Variants in RIF1 observed in about 807,000 individuals in gnomAD.
RIF1 encodes the protein telomere-associated protein RIF1.
RIF1 carries 45 observed loss-of-function variants against 247.1 expected under a neutral mutation model. The ratio of observed to expected loss-of-function variants is 0.18; its 90% confidence interval spans 0.14 to 0.23. The LOEUF (loss-of-function observed/expected upper bound fraction) is 0.23, where lower values mean the gene tolerates loss of function less well. Ranked by LOEUF, RIF1 falls within the 10% of genes least tolerant of loss-of-function variation. The pLI is 1.00. For synonymous variants in RIF1, 1,087 were observed against 978.8 expected, an observed-to-expected ratio of 1.11 and a Z score of -2.06; for missense variants, 2,967 against 2,862.5, an observed-to-expected ratio of 1.04 and a Z score of -0.83.
Position 151,445,464 on chromosome 2 carries a change from T to C in RIF1, c.2094+19T>C, listed in dbSNP as rs761386148. On this transcript the variant is annotated intron_variant, in intron 19 of 35. Coordinates refer to ENST00000444746, the MANE Select transcript of RIF1 (RefSeq NM_018151.5). ...TCCAGTGGTAAGGCATTGTCAAGTA[T>C]TGATTTCCGAGGGATTTGTATTTTT... 28 of 1,164,556 alleles carry C rather than the reference T, an allele frequency of 2.4e-5. No homozygotes were observed. The highest frequency in any genetic ancestry group is 3.4e-5 in the Non-Finnish European group (26 of 769,750). The allele number at this position is 1,164,556 out of a possible 1,614,324, so 72.1% of individuals were successfully genotyped here. A position where few individuals can be genotyped will look rare whatever the true frequency, so the allele number is the denominator to read the frequency against.
In RIF1 at chr2:151,479,583, A is replaced by C. The variant is rs1353844068; in HGVS notation, c.*4512A>C. 6.6e-6 allele frequency: 1 copy of C among 152,188 alleles called. No homozygotes were observed. The highest frequency in any genetic ancestry group is 2.4e-5 in the African/African-American group (1 of 41,450). The allele number at this position is 152,188 out of a possible 1,614,324, so 9.4% of individuals were successfully genotyped here. A position where few individuals can be genotyped will look rare whatever the true frequency, so the allele number is the denominator to read the frequency against. On this transcript the variant is annotated 3_prime_UTR_variant, in exon 36 of 36. Coordinates refer to ENST00000444746, the MANE Select transcript of RIF1 (RefSeq NM_018151.5). ...GCTATAATGAATAAGTCAGTCTAGCAGATATGCCCTGTCATTATACTGCGG... is the reference window on the plus strand; with the variant it reads ...GCTATAATGAATAAGTCAGTCTAGCCGATATGCCCTGTCATTATACTGCGG...
At position 151,491,692 on chromosome 2, in the gene RIF1, T is replaced by G. The variant is rs147872436; in HGVS notation, c.*416-3537T>G. 3.0e-5 allele frequency: 48 copies of G among 1,590,714 alleles called. No homozygotes were observed. In the African/African-American group the frequency reaches 6.2e-4, roughly 20 times the overall value. ...TTTTCAGCTAACACACCATTAATCA[T>G]GTGTAAGCTTCGGGACTGGATGTTG... On this transcript the variant is annotated intron_variant and NMD_transcript_variant, in intron 9 of 13. Coordinates refer to the RIF1 transcript ENST00000454583.
intron 15 of RIF1, 79 bp downstream of exon 15, chr2:151,440,206 T>A (rs933120119): frequency 2.4e-6 from 2 of 819,916 alleles, no homozygotes; most frequent in Non-Finnish European, 4.0e-6. Context: ...TTTGCACAAA[T>A]CTAGTTTGGG....
chr2:151,442,035 T>G (rs750092969), intron 16 of RIF1, 44 bp downstream of exon 16: 5 of 546,824 alleles, frequency 9.1e-6, no homozygotes, highest in Non-Finnish European at 1.6e-5. Flanking sequence ...GCCAAAAACA[T>G]TTATACTTCC....
Position 151,411,355 on chromosome 2 carries a change from TAA to T in RIF1, c.183+19_183+20del. The T allele has an allele frequency of 2.0e-6, 3 of 1,468,286 alleles. No individual in the cohort carries two copies. Among genetic ancestry groups the T allele is most frequent in the Non-Finnish European group, 2.8e-6 (3 of 1,070,078 alleles). 91.0% of individuals were successfully genotyped at this position (1,468,286 alleles called of 1,614,324 possible). A position where few individuals can be genotyped will look rare whatever the true frequency, so the allele number is the denominator to read the frequency against. ...GTTTTAAAGGTATGTATCTGTTTGT[TAA>T]ACAGTTTTTCACTTTTGGTAGTTTG... On this transcript the variant is annotated intron_variant, in intron 3 of 35. Coordinates refer to ENST00000444746, the MANE Select transcript of RIF1 (RefSeq NM_018151.5).
chr2:151,505,121 T>G (rs1407857767), intron 12 of RIF1, among the ~76,000 whole-genome samples: 2 of 152,224 alleles, frequency 1.3e-5, no homozygotes, highest in African/African-American at 4.8e-5. Context: ...TATGTTTATA[T>G]GTATATGCTT....
At chr2:151,436,055 C>T (rs1013570898) in intron 11 of RIF1, among the ~76,000 whole-genome samples, 1 of 152,012 alleles carries the variant, frequency 6.6e-6, no homozygotes, top group African/African-American at 2.4e-5. Flanking sequence ...GAAACCCAGT[C>T]TCTACTGAAA....
chr2:151,525,981 C>T, the RIF1 span: 1 of 1,613,970 alleles, frequency 6.2e-7, no homozygotes, highest in South Asian at 1.1e-5. Context: ...TTGGTCACTT[C>T]CTTGACGTGA....
chr2:151,445,472 C>T (rs1376047736), intron 19 of RIF1, 27 bp downstream of exon 19: 13 of 1,083,450 alleles, frequency 1.2e-5, no homozygotes, highest in East Asian at 2.4e-5. Flanking sequence ...TATTGATTTC[C>T]GAGGGATTTG....
intron 34 of RIF1, among the ~76,000 whole-genome samples, chr2:151,471,744 C>G (rs1397554073): frequency 1.3e-5 from 2 of 152,094 alleles, no homozygotes; most frequent in African/African-American, 2.4e-5. Flanking sequence ...TGTTTTGGTA[C>G]CAGTACCATG....
At chr2:151,410,348 A>T in intron 1 of RIF1, 66 bp from the exon 2 acceptor site, 1 of 1,347,670 alleles carries the variant, frequency 7.4e-7, no homozygotes. Context: ...CCGGACTCAC[A>T]CTGGGCCGCC....
chr2:151,425,156 A>G (rs1333978710), intron 8 of RIF1, among the ~76,000 whole-genome samples: 3 of 152,084 alleles, frequency 2.0e-5, no homozygotes, highest in Admixed American at 6.6e-5. Context: ...ATTACTAGTG[A>G]TGTTGAACAT....
At chr2:151,449,207 T>A (rs1693837583) in intron 20 of RIF1, among the ~76,000 whole-genome samples, 1 of 152,244 alleles carries the variant, frequency 6.6e-6, no homozygotes, top group Admixed American at 6.5e-5. Context: ...TATTGAATCA[T>A]GTGTTTTTGG....
rs1217539291 is a variant in RIF1 at position 151,463,626 on chromosome 2, A to T, written c.4106A>T (p.Glu1369Val). 6.2e-7 allele frequency: 1 copy of T among 1,613,382 alleles called. No individual in the cohort carries two copies. Among genetic ancestry groups the T allele is most frequent in the Admixed American group, 1.7e-5 (1 of 60,024 alleles). ...ACAGTGGAAAATGCTGTATTATTGG[A>T]AACTAATACTGTAGAGGAGAAAAAT... ...AATVENAVLL[E>V]TNTVEEKNVE... The change falls in exon 30 of 36, where the codon GAA becomes GTA. Residue 1369 changes from glutamate to valine, a missense_variant. Glu to Val is a moderately radical substitution (Grantham distance 121). Transcript: ENST00000444746.
chr2:151,411,383 GT>G lies in RIF1; in HGVS notation c.183+56del, dbSNP rs147405197. ...ACAGTTTTTCACTTTTGGTAGTTTG[GT>G]TTTTTTTTTTGGTTTTGTTTTTTTG... On this transcript the variant is annotated intron_variant, in intron 3 of 35. Transcript: ENST00000444746. The G allele has an allele frequency of 6.2e-3, 6,443 of 1,037,828 alleles. 2 individuals are homozygous for G. The highest frequency in any genetic ancestry group is 9.9e-3 in the South Asian group (622 of 62,654). 64.3% of individuals were successfully genotyped at this position (1,037,828 alleles called of 1,614,324 possible).
chr2:151,506,060 A>G, intron 12 of RIF1: 1 of 967,798 alleles, frequency 1.0e-6, no homozygotes, highest in South Asian at 1.3e-5. Flanking sequence ...TATTTTAGCA[A>G]TATAAGCTGT....
In RIF1 at chr2:151,455,009, A is replaced by G; in HGVS notation, c.2459A>G (p.Lys820Arg). 6.2e-7 allele frequency: 1 copy of G among 1,613,912 alleles called. No homozygotes were observed. Among genetic ancestry groups the G allele is most frequent in the Non-Finnish European group, 8.5e-7 (1 of 1,179,844 alleles). ...TATTCTTTCCACACACTGAGCTTCAAGGAAGCACATTCTGATACCCTCTTC... is the reference window on the plus strand; with the variant it reads ...TATTCTTTCCACACACTGAGCTTCAGGGAAGCACATTCTGATACCCTCTTC... The part of the protein sequence containing the change: ...VIYSFHTLSF[K>R]EAHSDTLFTI... The change falls in exon 22 of 36, where the codon AAG (lysine) becomes AGG (arginine). Residue 820 changes from lysine (K) to arginine (R), a missense_variant. Physicochemically the swap from Lys to Arg is conservative, Grantham distance 26 (BLOSUM62 2). This residue lies in a region of RIF1 where 2,028 missense variants were observed against 1,825.6 expected (regional missense o/e 1.11). Coordinates refer to ENST00000444746, the MANE Select transcript of RIF1 (RefSeq NM_018151.5).
rs1420896173 is a variant in RIF1 at position 151,481,817 on chromosome 2, G to C, written c.*6746G>C. ...TGAACTGCACATGCAAGAGATCTAG[G>C]TTGTGCGCTCATTATGAGAATCTAA... On this transcript the variant is annotated 3_prime_UTR_variant, in exon 36 of 36. Coordinates refer to ENST00000444746, the MANE Select transcript of RIF1 (RefSeq NM_018151.5). 1 of 152,228 alleles carries C rather than the reference G, an allele frequency of 6.6e-6. No homozygotes were observed. Among genetic ancestry groups the C allele is most frequent in the Non-Finnish European group, 1.5e-5 (1 of 68,054 alleles). 9.4% of individuals were successfully genotyped at this position (152,228 alleles called of 1,614,324 possible).
intron 4 of RIF1, 122 bp from the exon 5 acceptor site, chr2:151,416,439 C>G: frequency 2.2e-6 from 2 of 913,316 alleles, no homozygotes; most frequent in Non-Finnish European, 3.2e-6. Flanking sequence ...GTTCTCTGAT[C>G]TGTTCTCTGG....
Sources: allele counts gnomAD v4.1 joint callset (sites outside exome capture counted in the v4.1 genomes callset), GRCh38; gene constraint gnomAD v4.1.1; regional missense constraint gnomAD v4.1.1; transcripts MANE v1.5; gene names NCBI Gene and HGNC (gene_info 2026-07-23, HGNC 2026-07-21).